The following SH3BP4 variants were observed in gnomAD, a reference collection of about 807,000 sequenced individuals.
SH3BP4 encodes SH3 domain-binding protein 4.
A neutral mutation model predicts 65.5 loss-of-function variants in SH3BP4; 33 were observed. The observed-to-expected ratio is 0.50, with a 90% CI of 0.38 to 0.67. The LOEUF is 0.67. SH3BP4 is among the 30% of genes least tolerant of loss of function. SH3BP4 has a pLI of 0.00. For missense variants in SH3BP4, 1,134 were observed against 1,261.4 expected, an observed-to-expected ratio of 0.90 and a Z score of 1.53; for synonymous variants, 552 against 545.5, an observed-to-expected ratio of 1.01 and a Z score of -0.17.
Position 235,035,248 on chromosome 2 carries a change from A to G in SH3BP4, c.118+128A>G, listed in dbSNP as rs1695341252. On this transcript the variant is annotated intron_variant, in intron 3 of 5. Transcript: ENST00000392011. This position sits in a 1 kb window ranked among gnomAD's most constrained non-coding sequence, Gnocchi z 5.0. ...AGATAGTTAAAGTTTAGTTCTTTAA[A>G]CTTCATCATGGTAATAGATTTAGCC... 1.3e-6 allele frequency: 1 copy of G among 757,520 alleles called. No homozygotes were observed. The allele number at this position is 757,520 out of a possible 1,614,324, so 46.9% of individuals were successfully genotyped here.
chr2:235,028,168 C>T lies in SH3BP4; in HGVS notation c.-132-6703C>T, dbSNP rs1040047189. Among the ~76,000 whole-genome samples, 7 of 152,312 alleles carry T rather than the reference C, an allele frequency of 4.6e-5. No homozygotes were observed. In the East Asian group the frequency reaches 5.8e-4, roughly 13 times the overall value. ...AACTTATCAGTTATGAGCTCAAATG[C>T]GCCTTCCTGTCTTCCTAGACCTGAC... On this transcript the variant is annotated intron_variant, in intron 2 of 5. Coordinates refer to ENST00000392011, the MANE Select transcript of SH3BP4 (RefSeq NM_014521.3).
At chr2:235,038,391 A>T (rs1453229561) in intron 3 of SH3BP4, among the ~76,000 whole-genome samples, 1 of 16,310 alleles carries the variant, frequency 6.1e-5, no homozygotes, top group South Asian at 2.6e-3. Context: ...ATATATATAT[A>T]TATATATATA....
chr2:235,005,360 G>A (rs1694260771), intron 2 of SH3BP4, among the ~76,000 whole-genome samples: 1 of 151,992 alleles, frequency 6.6e-6, no homozygotes. Flanking sequence ...CCCTCGCCTG[G>A]GGCTCACTCC....
At chr2:235,006,245 C>A (rs1459579494) in intron 2 of SH3BP4, among the ~76,000 whole-genome samples, 1 of 152,184 alleles carries the variant, frequency 6.6e-6, no homozygotes, top group Non-Finnish European at 1.5e-5. Context: ...CTTTGTTCCG[C>A]GAGGATTTTT....
At chr2:235,021,172 A>G (rs1694836770) in intron 2 of SH3BP4, among the ~76,000 whole-genome samples, 1 of 152,192 alleles carries the variant, frequency 6.6e-6, no homozygotes, top group South Asian at 2.1e-4. Context: ...ATCTAAATCA[A>G]TGGGGACCCA....
At chr2:235,007,917 GGTT>G (rs1166793700) in intron 2 of SH3BP4, among the ~76,000 whole-genome samples, 1 of 152,244 alleles carries the variant, frequency 6.6e-6, no homozygotes, top group Admixed American at 6.5e-5. Context: ...GCACCGGAGA[GGTT>G]GGACGTCAAG....
chr2:235,003,280 C>T (rs913088897), intron 2 of SH3BP4, among the ~76,000 whole-genome samples: 8 of 152,204 alleles, frequency 5.3e-5, no homozygotes, highest in African/African-American at 9.6e-5. Context: ...GAGAACTCTC[C>T]CCTGGCCAGG....
chr2:234,976,023 G>A lies in SH3BP4; in HGVS notation c.-206-19280G>A, dbSNP rs1300627518. On this transcript the variant is annotated intron_variant, in intron 1 of 5. Coordinates refer to ENST00000392011, the MANE Select transcript of SH3BP4 (RefSeq NM_014521.3). The surrounding 1 kb of genome is among the most constrained non-coding windows in gnomAD (Gnocchi z 4.7). ...AGTTTCCTGTCTCGTCAGCCCCATA[G>A]AAACTGAGCTCTCCAAATTGAACGA... Among the ~76,000 whole-genome samples, 2 of 152,196 alleles carry A rather than the reference G, an allele frequency of 1.3e-5. No individual in the cohort carries two copies. The highest frequency in any genetic ancestry group is 4.8e-5 in the African/African-American group (2 of 41,430).
intron 2 of SH3BP4, among the ~76,000 whole-genome samples, chr2:235,012,465 A>G (rs1414397860): frequency 1.3e-5 from 2 of 152,204 alleles, no homozygotes; most frequent in South Asian, 2.1e-4. Flanking sequence ...TGTTTGGATC[A>G]TTGTACATCC....
chr2:234,974,489 G>T lies in SH3BP4; in HGVS notation c.-206-20814G>T, dbSNP rs948955024. ...GGATGAGTTGCTCTGTGGACAGGCAGCCCTGGAGCTAACAGGAGTATCCTG... is the reference window on the plus strand; with the variant it reads ...GGATGAGTTGCTCTGTGGACAGGCATCCCTGGAGCTAACAGGAGTATCCTG... On this transcript the variant is annotated intron_variant, in intron 1 of 5. Coordinates refer to ENST00000392011, the MANE Select transcript of SH3BP4 (RefSeq NM_014521.3). The surrounding 1 kb of genome is among the most constrained non-coding windows in gnomAD (Gnocchi z 4.6). 6.6e-6 allele frequency among the ~76,000 whole-genome samples: 1 copy of T among 152,230 alleles called. No homozygotes were observed. Among genetic ancestry groups the T allele is most frequent in the African/African-American group, 2.4e-5 (1 of 41,462 alleles).
intron 1 of SH3BP4, among the ~76,000 whole-genome samples, chr2:234,963,292 GA>G (rs565255681): frequency 2.8e-4 from 42 of 152,274 alleles, no homozygotes; most frequent in Non-Finnish European, 5.4e-4. Context: ...TCATTTGAAT[GA>G]ATCTTTTACT....
At position 235,055,470 on chromosome 2, in the gene SH3BP4, C is replaced by G. The variant is rs1427669503; in HGVS notation, c.*1654C>G. On this transcript the variant is annotated 3_prime_UTR_variant, in exon 6 of 6. Transcript: ENST00000392011. ...TTCGATTGTGCTTCTCAACTCCACC[C>G]CATAATTTCTCCCAGAGACCATCTA... 6.6e-6 allele frequency: 1 copy of G among 152,618 alleles called. No individual in the cohort carries two copies. Among genetic ancestry groups the G allele is most frequent in the African/African-American group, 2.4e-5 (1 of 41,438 alleles). 9.5% of individuals were successfully genotyped at this position (152,618 alleles called of 1,614,324 possible).
intron 1 of SH3BP4, among the ~76,000 whole-genome samples, chr2:234,965,973 A>G (rs1044824118): frequency 2.0e-5 from 3 of 152,142 alleles, no homozygotes; most frequent in Non-Finnish European, 4.4e-5. Context: ...AAAAATAACA[A>G]TTGTTGTTTG....
Position 234,977,084 on chromosome 2 carries a change from C to T in SH3BP4, c.-206-18219C>T, listed in dbSNP as rs1037726042. Among the ~76,000 whole-genome samples, 2 of 152,236 alleles carry T rather than the reference C, an allele frequency of 1.3e-5. No individual in the cohort carries two copies. The highest frequency in any genetic ancestry group is 2.9e-5 in the Non-Finnish European group (2 of 68,040). On this transcript the variant is annotated intron_variant, in intron 1 of 5. Transcript: ENST00000392011. The surrounding 1 kb of genome is among the most constrained non-coding windows in gnomAD (Gnocchi z 5.1). Reference sequence around the variant, plus strand: ...GTGGGAATTCTCTGTATTATCTCCACGACTTTTCTATGAATTTAAATCTAT... The same window carrying T: ...GTGGGAATTCTCTGTATTATCTCCATGACTTTTCTATGAATTTAAATCTAT...
At chr2:234,986,157 G>A (rs933225575) in intron 1 of SH3BP4, among the ~76,000 whole-genome samples, 7 of 152,224 alleles carry the variant, frequency 4.6e-5, no homozygotes, top group Non-Finnish European at 7.3e-5. Flanking sequence ...ACACCTATGA[G>A]CACAGAGACC....
chr2:235,051,797 C>T (rs1186337964), intron 4 of SH3BP4, among the ~76,000 whole-genome samples: 1 of 152,168 alleles, frequency 6.6e-6, no homozygotes, highest in Non-Finnish European at 1.5e-5. Flanking sequence ...GTCAGCACCG[C>T]ACACTCAGCA....
chr2:234,954,284 C>T (rs968734046), intron 1 of SH3BP4, among the ~76,000 whole-genome samples: 3 of 152,118 alleles, frequency 2.0e-5, no homozygotes, highest in Non-Finnish European at 2.9e-5. Flanking sequence ...AGGTACTTCA[C>T]AGCATGCCTT....
chr2:235,042,149 C>T lies in SH3BP4; in HGVS notation c.1380C>T (p.Ile460=). 6.2e-7 allele frequency: 1 copy of T among 1,614,020 alleles called. No homozygotes were observed. The highest frequency in any genetic ancestry group is 8.5e-7 in the Non-Finnish European group (1 of 1,180,008). The change falls in exon 4 of 6, where the codon ATC becomes ATT. Residue 460 remains isoleucine (I), a synonymous_variant. Coordinates refer to ENST00000392011, the MANE Select transcript of SH3BP4 (RefSeq NM_014521.3). The surrounding 1 kb of genome is among the most constrained non-coding windows in gnomAD (Gnocchi z 7.3). ...YVAVVAHGPS[I]LYPSTVWDFI... is the part of the protein sequence containing the mutation. ...CTGTCGTGGCCCATGGCCCAAGCAT[C>T]CTCTACCCTTCCACCGTGTGGGACT...
chr2:235,038,394 TATATATATA>T (rs1695523722), intron 3 of SH3BP4, among the ~76,000 whole-genome samples: 2 of 55,712 alleles, frequency 3.6e-5, no homozygotes, highest in African/African-American at 1.9e-4. Context: ...TATATATATA[TATATATATA>T]TATATATATA....
Sources: allele counts gnomAD v4.1 joint callset (sites outside exome capture counted in the v4.1 genomes callset), GRCh38; gene constraint gnomAD v4.1.1; non-coding constraint Gnocchi (gnomAD v3.1); transcripts MANE v1.5; gene names NCBI Gene and HGNC (gene_info 2026-07-23, HGNC 2026-07-21).